CYP2C18: variants seen among roughly 807,000 people sequenced by gnomAD.
CYP2C18 encodes cytochrome P450 2C18.
A neutral mutation model predicts 41.3 loss-of-function variants in CYP2C18; 38 were observed. The observed-to-expected ratio is 0.92, with a 90% CI of 0.71 to 1.21. The LOEUF (loss-of-function observed/expected upper bound fraction) is 1.21, where lower values mean the gene tolerates loss of function less well. CYP2C18 is among the 50% of genes most tolerant of loss of function. CYP2C18 has a pLI of 0.00. For missense variants in CYP2C18, 635 were observed against 591.4 expected, an observed-to-expected ratio of 1.07 and a Z score of -0.77; for synonymous variants, 236 against 210.0, an observed-to-expected ratio of 1.12 and a Z score of -1.07.
intron 5 of CYP2C18, among the ~76,000 whole-genome samples, chr10:94,715,899 G>C (rs1847533085): frequency 6.6e-6 from 1 of 151,936 alleles, no homozygotes; most frequent in Non-Finnish European, 1.5e-5. Context: ...GCTTCTTCCT[G>C]GTTTAGTCTT....
At chr10:94,705,637 G>C (rs1847329150) in intron 4 of CYP2C18, among the ~76,000 whole-genome samples, 1 of 152,084 alleles carries the variant, frequency 6.6e-6, no homozygotes, top group African/African-American at 2.4e-5. Flanking sequence ...AGTTGATTCT[G>C]ACTTTTTTGT....
At chr10:94,709,529 A>T (rs1449284079) in intron 5 of CYP2C18, among the ~76,000 whole-genome samples, 1 of 152,198 alleles carries the variant, frequency 6.6e-6, no homozygotes, top group East Asian at 1.9e-4. Flanking sequence ...GTTATTAAAG[A>T]TATTTTCTCC....
chr10:94,715,125 A>G (rs1847515954), intron 5 of CYP2C18, among the ~76,000 whole-genome samples: 1 of 152,190 alleles, frequency 6.6e-6, no homozygotes, highest in Non-Finnish European at 1.5e-5. Flanking sequence ...TCATCTACAA[A>G]CAGGAACAAT....
At chr10:94,686,473 G>A (rs928709488) in intron 1 of CYP2C18, among the ~76,000 whole-genome samples, 1 of 152,088 alleles carries the variant, frequency 6.6e-6, no homozygotes, top group Non-Finnish European at 1.5e-5. Context: ...GGTCAGAGGG[G>A]GCATTCTTCT....
At chr10:94,717,123 G>C (rs1422000329) in intron 5 of CYP2C18, among the ~76,000 whole-genome samples, 1 of 152,102 alleles carries the variant, frequency 6.6e-6, no homozygotes, top group Non-Finnish European at 1.5e-5. Context: ...GAGGAGTCTT[G>C]ACTCTTTATC....
At chr10:94,727,569 C>T (rs932484582) in intron 7 of CYP2C18, among the ~76,000 whole-genome samples, 3 of 151,204 alleles carry the variant, frequency 2.0e-5, no homozygotes, top group East Asian at 3.9e-4. Flanking sequence ...GAGCTATGGT[C>T]GTACCACTGT....
intron 5 of CYP2C18, among the ~76,000 whole-genome samples, chr10:94,716,931 T>C (rs1034502436): frequency 6.6e-6 from 1 of 152,222 alleles, no homozygotes; most frequent in African/African-American, 2.4e-5. Flanking sequence ...TTTACCATTA[T>C]GTAATGGCCT....
chr10:94,723,211 G>T (rs1161375735), intron 6 of CYP2C18, among the ~76,000 whole-genome samples: 1 of 152,106 alleles, frequency 6.6e-6, no homozygotes, highest in Non-Finnish European at 1.5e-5. Context: ...AAAGATACTA[G>T]AGAATATTTT....
chr10:94,688,365 G>T, intron 3 of CYP2C18, 91 bp downstream of exon 3: 1 of 1,430,272 alleles, frequency 7.0e-7, no homozygotes. Flanking sequence ...GCATATTTAT[G>T]GGGTACATGT....
chr10:94,731,860 T>C (rs1376491811), intron 7 of CYP2C18, among the ~76,000 whole-genome samples: 2 of 151,992 alleles, frequency 1.3e-5, no homozygotes, highest in Admixed American at 1.3e-4. Context: ...ACTATAAGAA[T>C]TGCAAAAGAA....
chr10:94,710,434 T>A (rs1027259808), intron 5 of CYP2C18, among the ~76,000 whole-genome samples: 1 of 152,254 alleles, frequency 6.6e-6, no homozygotes, highest in African/African-American at 2.4e-5. Context: ...GATATTTTGA[T>A]ATGGATCACT....
At chr10:94,726,514 A>G (rs993335089) in intron 7 of CYP2C18, among the ~76,000 whole-genome samples, 3 of 152,198 alleles carry the variant, frequency 2.0e-5, no homozygotes, top group Middle Eastern at 3.2e-3. Flanking sequence ...TGCAAAGGAC[A>G]TGAAGTCATC....
intron 5 of CYP2C18, among the ~76,000 whole-genome samples, chr10:94,716,993 A>C (rs1847559644): frequency 6.6e-6 from 1 of 152,152 alleles, no homozygotes; most frequent in Non-Finnish European, 1.5e-5. Context: ...ATCAGAGACT[A>C]GGATTGCAAC....
rs1404109896 is a variant in CYP2C18, at chr10:94,733,737, C to A, written c.1291+299C>A. ...CAAGAGCTCTTCTTAATGGGTGAAACTTATTTAGACATTTCTCATCTGCCA... is the reference window on the plus strand; with the variant it reads ...CAAGAGCTCTTCTTAATGGGTGAAAATTATTTAGACATTTCTCATCTGCCA... On this transcript the variant is annotated intron_variant, in intron 8 of 8. Coordinates refer to ENST00000285979, the MANE Select transcript of CYP2C18 (RefSeq NM_000772.3). The A allele has an allele frequency of 1.1e-5, 3 of 274,282 alleles. No homozygotes were observed. In the Admixed American group the frequency reaches 1.9e-4, roughly 18 times the overall value. The allele number at this position is 274,282 out of a possible 1,614,324, so 17.0% of individuals were successfully genotyped here.
chr10:94,706,909 C>T lies in CYP2C18; in HGVS notation c.768C>T (p.Asp256=). Residue 256 remains aspartate (D), a synonymous_variant, in exon 5 of 9, where the codon GAC becomes GAT. Transcript: ENST00000285979. Reference sequence around the variant, plus strand: ...TAAAAGAACATCAAGAATCCCTGGACATGAACAGTGCTCGGGACTTTATTG... The same window carrying T: ...TAAAAGAACATCAAGAATCCCTGGATATGAACAGTGCTCGGGACTTTATTG... The part of the protein sequence containing the change: ...ERIKEHQESL[D]MNSARDFIDC... The T allele has an allele frequency of 6.2e-7, 1 of 1,612,576 alleles. No individual in the cohort carries two copies.
chr10:94,704,679 G>A lies in CYP2C18; in HGVS notation c.643-2105G>A, dbSNP rs1163370551. Among the ~76,000 whole-genome samples the A allele has an allele frequency of 2.0e-5, 3 of 152,082 alleles. No individual in the cohort carries two copies. The East Asian group carries it at 5.8e-4, about 29-fold the overall frequency. On this transcript the variant is annotated intron_variant, in intron 4 of 8. Transcript: ENST00000285979. ...ATATCAGCCAGAGGTGAAAGTTCAGGATCTTCTCACATTTTTCTAACTAGC... is the reference window on the plus strand; with the variant it reads ...ATATCAGCCAGAGGTGAAAGTTCAGAATCTTCTCACATTTTTCTAACTAGC...
chr10:94,688,337 T>C, intron 3 of CYP2C18, 63 bp downstream of exon 3: 1 of 1,527,474 alleles, frequency 6.5e-7, no homozygotes, highest in Non-Finnish European at 8.8e-7. Flanking sequence ...TATTTTTAGA[T>C]TGATACATAA....
chr10:94,685,696 T>A (rs972406717), intron 1 of CYP2C18, among the ~76,000 whole-genome samples: 2 of 152,200 alleles, frequency 1.3e-5, no homozygotes, highest in African/African-American at 4.8e-5. Flanking sequence ...AAAAATCAAT[T>A]GATTATAGAT....
intron 7 of CYP2C18, among the ~76,000 whole-genome samples, chr10:94,725,249 T>A (rs890578665): frequency 1.6e-4 from 24 of 151,524 alleles, no homozygotes; most frequent in African/African-American, 5.3e-4. Flanking sequence ...TTTTAAATAA[T>A]ATACTTTAAA....
Sources: allele counts gnomAD v4.1 joint callset (sites outside exome capture counted in the v4.1 genomes callset), GRCh38; gene constraint gnomAD v4.1.1; transcripts MANE v1.5; gene names NCBI Gene and HGNC (gene_info 2026-07-23, HGNC 2026-07-21).